The following APOB variants were observed in gnomAD, a reference collection of about 807,000 sequenced individuals.
APOB encodes apolipoprotein B-100.
Under a neutral mutation model 314.1 loss-of-function variants are expected in APOB, and 153 were observed. The observed-to-expected ratio is 0.49, with a 90% confidence interval of 0.43 to 0.56. APOB has a LOEUF of 0.56. Among genes scored for constraint, APOB ranks in the 20% least tolerant of loss-of-function variants. The pLI, the probability that APOB is intolerant of heterozygous loss-of-function variation, is 0.00. For missense variants in APOB, 5,430 were observed against 5,350.7 expected (o/e 1.01, Z -0.46); for synonymous variants, 2,087 against 2,036.4 (o/e 1.02, Z -0.67).
chr2:21,023,112 C>G lies in APOB; in HGVS notation c.2605-70G>C, dbSNP rs72653067. 4.6e-4 allele frequency: 602 copies of G among 1,318,466 alleles called. 5 individuals carry two copies. The highest frequency in any genetic ancestry group is 5.3e-4 in the East Asian group (23 of 43,556). The allele number at this position is 1,318,466 out of a possible 1,614,324, so 81.7% of individuals were successfully genotyped here. ...GTCCCCTGTCAGTCAGATCAACCAC[C>G]CTTTCTCACCTCCGGGCAAAGATTT... On this transcript the variant is annotated intron_variant, in intron 17 of 28. Coordinates refer to ENST00000233242, the MANE Select transcript of APOB (RefSeq NM_000384.3).
chr2:21,008,465 T>A lies in APOB; in HGVS notation c.8403A>T (p.Leu2801Phe), dbSNP rs374556458. ...ASITAKGESK[L>F]EVLNFDFQAN... ...CTTGAAAATCAAAATTGAGAACTTC[T>A]AATTTGGACTCTCCTTTGGCAGTGA... is the stretch of plus-strand genomic sequence containing the variant. Residue 2801 changes from leucine (L) to phenylalanine (F), a missense_variant, in exon 26 of 29, where the codon TTA (leucine) becomes TTT (phenylalanine). Physicochemically the swap from Leu to Phe is conservative, Grantham distance 22 (BLOSUM62 0). Transcript: ENST00000233242. The A allele has an allele frequency of 1.2e-6, 2 of 1,614,138 alleles. No individual in the cohort carries two copies. Among genetic ancestry groups the A allele is most frequent in the Non-Finnish European group, 1.7e-6 (2 of 1,179,990 alleles).
At chr2:21,038,778 G>A (rs1664067443) in intron 4 of APOB, among the ~76,000 whole-genome samples, 1 of 152,160 alleles carries the variant, frequency 6.6e-6, no homozygotes, top group Non-Finnish European at 1.5e-5. Flanking sequence ...CTGTAAACAT[G>A]GGTGAGTGCA....
chr2:21,002,304 T>C lies in APOB; in HGVS notation c.13118A>G (p.Glu4373Gly). ...AATGTATTGATGGATCTGCTGTAAC[T>C]CTTGAGAAGCTTCCTGAAGCTCGTT... ...IQNELQEASQ[E>G]LQQIHQYIMA... The change falls in exon 29 of 29, where the codon GAG becomes GGG. Residue 4373 changes from glutamate (E) to glycine (G), a missense_variant. By Grantham distance (98) the Glu-to-Gly change is moderately conservative. This residue lies in a region of APOB where 3,281 missense variants were observed against 3,171.0 expected (regional missense o/e 1.03). Transcript: ENST00000233242. 1 of 1,613,724 alleles carries C rather than the reference T, an allele frequency of 6.2e-7. No individual in the cohort carries two copies. The highest frequency in any genetic ancestry group is 1.3e-5 in the African/African-American group (1 of 75,048).
chr2:21,012,463 C>G lies in APOB; in HGVS notation c.4405G>C (p.Val1469Leu). The change falls in exon 26 of 29, where the codon GTT becomes CTT. Residue 1469 changes from valine (V) to leucine (L), a missense_variant. Physicochemically the swap from Val to Leu is conservative, Grantham distance 32 (BLOSUM62 1). Transcript: ENST00000233242. ...TGTTTCTTTTTGGAGTCCAAATGAA[C>G]TGAAGCAGACATCTGTGGTCCCCAG... ...SSWGPQMSAS[V>L]HLDSKKKQHL... 1.2e-6 allele frequency: 2 copies of G among 1,614,160 alleles called. No homozygotes were observed. Among genetic ancestry groups the G allele is most frequent in the Non-Finnish European group, 1.7e-6 (2 of 1,180,002 alleles).
chr2:21,034,836 T>C lies in APOB; in HGVS notation c.884A>G (p.Asn295Ser). ...CTTACCTTCACCAAAGAAGCGGCTG[T>C]TGATCTTTGGTGTGTCTTCAAGTTT... ...TLKLEDTPKI[N>S]SRFFGEGTKK... Residue 295 changes from asparagine (N) to serine (S), a missense_variant, in exon 8 of 29, where the codon AAC (asparagine) becomes AGC (serine). Physicochemically the swap from Asn to Ser is conservative, Grantham distance 46 (BLOSUM62 1). Around this residue, in one of 3 missense-constraint regions of APOB, gnomAD observed 2,085 missense variants for 2,079.7 expected, o/e 1.00. Transcript: ENST00000233242. 1 of 1,598,622 alleles carries C rather than the reference T, an allele frequency of 6.3e-7. No homozygotes were observed. The highest frequency in any genetic ancestry group is 8.6e-7 in the Non-Finnish European group (1 of 1,166,032).
chr2:21,028,619 C>A (rs1663802851), intron 12 of APOB, 81 bp from the exon 13 acceptor site: 1 of 940,420 alleles, frequency 1.1e-6, no homozygotes, highest in Non-Finnish European at 1.7e-6. Flanking sequence ...GCATTGTCTG[C>A]TAGCTCTTTC....
rs994922406 is a variant in APOB, at chr2:21,012,781, T to C, written c.4217-130A>G. 11 of 979,672 alleles carry C rather than the reference T, an allele frequency of 1.1e-5. No homozygotes were observed. The African/African-American group carries it at 1.6e-4, about 15-fold the overall frequency. 60.7% of individuals were successfully genotyped at this position (979,672 alleles called of 1,614,324 possible). A position where few individuals can be genotyped will look rare whatever the true frequency, so the allele number is the denominator to read the frequency against. ...ATTGTGCAATAGACTCCTCCATCTGTAATGCAAAGATAAAATCTGATAGCA... is the reference window on the plus strand; with the variant it reads ...ATTGTGCAATAGACTCCTCCATCTGCAATGCAAAGATAAAATCTGATAGCA... On this transcript the variant is annotated intron_variant, in intron 25 of 28. Transcript: ENST00000233242.
chr2:21,016,346 A>G lies in APOB; in HGVS notation c.3332+93T>C, dbSNP rs1013983103. ...CACTCTGATTGTAGACTAGGGGAGA[A>G]CATGGCTTGGTCAGGTATGAAGTGG... On this transcript the variant is annotated intron_variant, in intron 21 of 28. Transcript: ENST00000233242. 8.0e-6 allele frequency: 6 copies of G among 748,634 alleles called. No individual in the cohort carries two copies. In the African/African-American group the frequency reaches 1.0e-4, roughly 13 times the overall value. The allele number at this position is 748,634 out of a possible 1,614,324, so 46.4% of individuals were successfully genotyped here.
chr2:21,015,356 G>A lies in APOB; in HGVS notation c.3508+14C>T, dbSNP rs371596170. 139 of 1,614,038 alleles carry A rather than the reference G, an allele frequency of 8.6e-5. No homozygotes were observed. Among genetic ancestry groups the A allele is most frequent in the Non-Finnish European group, 1.1e-4 (125 of 1,180,016 alleles). On this transcript the variant is annotated intron_variant, in intron 22 of 28. Transcript: ENST00000233242. ...TTACTTTGGAAGTGCTCACACAGGG[G>A]AAGAGACACATACCATAATGCCATG...
chr2:21,039,408 C>A (rs1018317757), intron 4 of APOB, among the ~76,000 whole-genome samples: 1 of 152,166 alleles, frequency 6.6e-6, no homozygotes, highest in African/African-American at 2.4e-5. Flanking sequence ...ATGGCTGAAG[C>A]CCATGCTGAC....
At position 21,005,506 on chromosome 2, in the gene APOB, C is replaced by T. The variant is rs13306191; in HGVS notation, c.11362G>A (p.Glu3788Lys). 2.4e-4 allele frequency: 387 copies of T among 1,613,916 alleles called. 2 individuals carry two copies. The East Asian group carries it at 8.3e-3, about 35-fold the overall frequency. Residue 3788 changes from glutamate (E) to lysine (K), a missense_variant, in exon 26 of 29, where the codon GAG (glutamate) becomes AAG (lysine). Coordinates refer to ENST00000233242, the MANE Select transcript of APOB (RefSeq NM_000384.3). ...SFALNLPTLP[E>K]VKFPEVDVLT... ...ACATCAACTTCAGGGAATTTTACCT[C>T]GGGGAGTGTTGGTAGGTTGAGGGCA...
At position 21,005,692 on chromosome 2, in the gene APOB, A is replaced by G. The variant is rs867641841; in HGVS notation, c.11176T>C (p.Leu3726=). The change falls in exon 26 of 29, where the codon TTG becomes CTG. Residue 3726 remains leucine (L), a synonymous_variant. Transcript: ENST00000233242. ...GYSFSIPVKV[L]ADKFIIPGLK... is the part of the protein sequence containing the mutation. ...CCAGGAATAATGAATTTATCAGCCA[A>G]AACTTTTACAGGGATGGAGAATGAA... The G allele has an allele frequency of 3.1e-6, 5 of 1,613,996 alleles. No individual in the cohort carries two copies. In the Middle Eastern group the frequency reaches 8.3e-4, roughly 266 times the overall value.
chr2:21,011,042 G>C lies in APOB; in HGVS notation c.5826C>G (p.Phe1942Leu), dbSNP rs2103357846. 1 of 1,614,166 alleles carries C rather than the reference G, an allele frequency of 6.2e-7. No homozygotes were observed. The highest frequency in any genetic ancestry group is 1.3e-5 in the African/African-American group (1 of 75,048). Reference protein sequence around the residue: ...LLKAEPLAFTFSHDYKGSTSH... With the variant: ...LLKAEPLAFTLSHDYKGSTSH... Reference sequence around the variant, plus strand: ...TTGTGGAGCCTTTGTAATCATGAGAGAAAGTAAATGCCAGAGGTTCTGCTT... The same window carrying C: ...TTGTGGAGCCTTTGTAATCATGAGACAAAGTAAATGCCAGAGGTTCTGCTT... Residue 1942 changes from phenylalanine (F) to leucine (L), a missense_variant, in exon 26 of 29, where the codon TTC becomes TTG. This residue lies in a region of APOB where 3,281 missense variants were observed against 3,171.0 expected (regional missense o/e 1.03). Coordinates refer to ENST00000233242, the MANE Select transcript of APOB (RefSeq NM_000384.3).
At position 21,016,468 on chromosome 2, in the gene APOB, A is replaced by G; in HGVS notation, c.3303T>C (p.Ile1101=). Residue 1101 remains isoleucine (I), a synonymous_variant, in exon 21 of 29, where the codon ATT becomes ATC. Transcript: ENST00000233242. The stretch of plus-strand genomic sequence containing the variant: ...GGTGGCCCATGAGGGCGACCTCAGT[A>G]ATTTTCTTGTTCTGAATGTCCAGGG... ...RLTLDIQNKK[I]TEVALMGHLS... 1 of 1,610,718 alleles carries G rather than the reference A, an allele frequency of 6.2e-7. No individual in the cohort carries two copies. The highest frequency in any genetic ancestry group is 8.5e-7 in the Non-Finnish European group (1 of 1,176,872).
At chr2:21,019,439 G>T (rs1663545647) in intron 19 of APOB, among the ~76,000 whole-genome samples, 1 of 152,108 alleles carries the variant, frequency 6.6e-6, no homozygotes, top group Non-Finnish European at 1.5e-5. Flanking sequence ...ACATTGGTGG[G>T]CTCCAGGAAG....
chr2:21,003,360 A>T (rs1465199688), intron 28 of APOB, 26 bp from the exon 29 acceptor site: 10 of 1,594,388 alleles, frequency 6.3e-6, no homozygotes, highest in Non-Finnish European at 6.9e-6. Context: ...AAAAAAAATA[A>T]CATGTTTTCA....
chr2:21,035,031 A>G (rs1558575024), intron 7 of APOB, 130 bp from the exon 8 acceptor site: 2 of 756,154 alleles, frequency 2.6e-6, no homozygotes, highest in East Asian at 2.5e-5. Flanking sequence ...AAATCCAGCC[A>G]TTGTTGGCCC....
rs1003580237 is a variant in APOB at position 21,002,493 on chromosome 2, A to G, written c.12929T>C (p.Ile4310Thr). Residue 4310 changes from isoleucine to threonine, a missense_variant, in exon 29 of 29, where the codon ATA (isoleucine) becomes ACA (threonine). Ile to Thr is a moderately conservative substitution (Grantham distance 89, BLOSUM62 -1). Coordinates refer to ENST00000233242, the MANE Select transcript of APOB (RefSeq NM_000384.3). ...QDLLQFIFQLIEDNIKQLKEM... is the reference protein window; with the variant it reads ...QDLLQFIFQLTEDNIKQLKEM... ...TTTCAGCTGTTTAATGTTATCTTCTATTAGTTGGAAAATGAATTGTAAAAG... is the reference window on the plus strand; with the variant it reads ...TTTCAGCTGTTTAATGTTATCTTCTGTTAGTTGGAAAATGAATTGTAAAAG... The G allele has an allele frequency of 5.0e-6, 8 of 1,612,170 alleles. No individual in the cohort carries two copies. Among genetic ancestry groups the G allele is most frequent in the Non-Finnish European group, 6.8e-6 (8 of 1,178,486 alleles).
Position 21,012,015 on chromosome 2 carries a change from G to A in APOB, c.4853C>T (p.Ser1618Leu), listed in dbSNP as rs1021781662. Reference protein sequence around the residue: ...SLRFFSLLSGSLNSHGLELNA... With the variant: ...SLRFFSLLSGLLNSHGLELNA... The stretch of plus-strand genomic sequence containing the variant: ...TAACTCAAGACCATGGGAATTTAGT[G>A]ATCCAGAAAGCAGGCTGAAGAACCT... The change falls in exon 26 of 29, where the codon TCA (serine) becomes TTA (leucine). Residue 1618 changes from serine (S) to leucine (L), a missense_variant. Around this residue, in one of 3 missense-constraint regions of APOB, gnomAD observed 2,085 missense variants for 2,079.7 expected, o/e 1.00. Coordinates refer to ENST00000233242, the MANE Select transcript of APOB (RefSeq NM_000384.3). The A allele has an allele frequency of 1.2e-6, 2 of 1,614,188 alleles. No homozygotes were observed. The highest frequency in any genetic ancestry group is 1.3e-5 in the African/African-American group (1 of 75,048).
Sources: allele counts gnomAD v4.1 joint callset (sites outside exome capture counted in the v4.1 genomes callset), GRCh38; gene constraint gnomAD v4.1.1; regional missense constraint gnomAD v4.1.1; transcripts MANE v1.5; gene names NCBI Gene and HGNC (gene_info 2026-07-23, HGNC 2026-07-21).